The following ATCAY variants were observed in gnomAD, a reference collection of about 807,000 sequenced individuals.
ATCAY encodes ATCAY kinesin light chain interacting caytaxin.
In ATCAY, 22 loss-of-function variants were observed where a neutral mutation model predicts 47.7. The observed-to-expected ratio is 0.46, with a 90% CI of 0.33 to 0.66. The LOEUF is 0.66. ATCAY is among the 30% of genes least tolerant of loss of function. ATCAY has a pLI of 0.02. For missense variants in ATCAY, 452 were observed against 515.0 expected, an observed-to-expected ratio of 0.88 and a Z score of 1.18; for synonymous variants, 216 against 207.6, an observed-to-expected ratio of 1.04 and a Z score of -0.35.
chr19:3,885,244 C>T (rs963708779), intron 1 of ATCAY, among the ~76,000 whole-genome samples: 10 of 150,362 alleles, frequency 6.7e-5, no homozygotes, highest in African/African-American at 2.4e-4. Context: ...CACAGTGAAA[C>T]CCCGTCTCTA....
intron 8 of ATCAY, 74 bp downstream of exon 8, chr19:3,910,963 G>A: frequency 6.8e-7 from 1 of 1,481,170 alleles, no homozygotes; most frequent in Non-Finnish European, 9.4e-7. Context: ...GCATGCATTT[G>A]TGTGTGCATG....
At chr19:3,890,835 G>A (rs935663689) in intron 2 of ATCAY, among the ~76,000 whole-genome samples, 2 of 152,276 alleles carry the variant, frequency 1.3e-5, no homozygotes, top group East Asian at 3.9e-4. Context: ...CTTCCTCCAC[G>A]AGGCTTCTGT....
chr19:3,907,919 G>A lies in ATCAY; in HGVS notation c.544G>A (p.Gly182Arg). The change falls in exon 5 of 13, where the codon GGG (glycine) becomes AGG (arginine). Residue 182 changes from glycine (G) to arginine (R), a missense_variant and splice_region_variant. Coordinates refer to ENST00000450849, the MANE Select transcript of ATCAY (RefSeq NM_033064.5). This position sits in a 1 kb window ranked among gnomAD's most constrained non-coding sequence, Gnocchi z 5.1. The stretch of plus-strand genomic sequence containing the variant: ...TTACATGAAAGTGGTCACCCACGGA[G>A]GTGAGACCCGCCCCCCGGTGCCCCC... ...RPYMKVVTHG[G>R]YYGEGLNAII... is the part of the protein sequence containing the mutation. 1 of 1,612,788 alleles carries A rather than the reference G, an allele frequency of 6.2e-7. No individual in the cohort carries two copies. Among genetic ancestry groups the A allele is most frequent in the Non-Finnish European group, 8.5e-7 (1 of 1,179,408 alleles).
intron 3 of ATCAY, among the ~76,000 whole-genome samples, chr19:3,902,903 C>T (rs1250380739): frequency 2.4e-4 from 36 of 152,176 alleles, no homozygotes. Context: ...GCCAAGGGTG[C>T]ACTGGGAGGC....
chr19:3,881,699 TG>T (rs1359454859), intron 1 of ATCAY, among the ~76,000 whole-genome samples: 7 of 32,658 alleles, frequency 2.1e-4, no homozygotes, highest in Admixed American at 1.5e-3. Context: ...TGGCAGGGGG[TG>T]GGGGTCGGGG....
chr19:3,918,466 G>A (rs10410331), intron 10 of ATCAY, among the ~76,000 whole-genome samples: 25,779 of 150,918 alleles, frequency 0.17, 2,690 homozygotes, highest in African/African-American at 0.29. Context: ...GAATCGGGAC[G>A]ACTGCTTGAG....
At position 3,925,721 on chromosome 19, in the gene ATCAY, G is replaced by C. The variant is rs923214985; in HGVS notation, c.*1129G>C. The C allele has an allele frequency of 6.6e-6, 1 of 152,238 alleles. No homozygotes were observed. The highest frequency in any genetic ancestry group is 1.5e-5 in the Non-Finnish European group (1 of 68,080). The allele number at this position is 152,238 out of a possible 1,614,324, so 9.4% of individuals were successfully genotyped here. A position where few individuals can be genotyped will look rare whatever the true frequency, so the allele number is the denominator to read the frequency against. ...CTGTCTCTGGAAGTATTTAAGAAAA[G>C]GCTGGGCCAGGCACGATGGCTCACG... On this transcript the variant is annotated 3_prime_UTR_variant, in exon 13 of 13. Transcript: ENST00000450849. The surrounding 1 kb of genome is among the most constrained non-coding windows in gnomAD (Gnocchi z 4.4).
intron 2 of ATCAY, among the ~76,000 whole-genome samples, chr19:3,892,635 G>A (rs889419883): frequency 4.6e-5 from 7 of 152,092 alleles, no homozygotes; most frequent in Non-Finnish European, 1.0e-4. Context: ...GGCTGGGTGC[G>A]GTGACTCACA....
At chr19:3,901,067 A>AT (rs999431062) in intron 2 of ATCAY, among the ~76,000 whole-genome samples, 6 of 150,862 alleles carry the variant, frequency 4.0e-5, no homozygotes, top group Non-Finnish European at 7.4e-5. Flanking sequence ...ACGCCCCGCT[A>AT]TTTTTTTTGT....
Position 3,909,615 on chromosome 19 carries a change from G to T in ATCAY, c.777G>T (p.Arg259=). 1 of 1,586,394 alleles carries T rather than the reference G, an allele frequency of 6.3e-7. No homozygotes were observed. The highest frequency in any genetic ancestry group is 8.6e-7 in the Non-Finnish European group (1 of 1,166,398). ...AGAAGTGCTACCAGATGATCGACCGGAGGTGAGGTGGGGATGCCTCAGGAA... is the reference window on the plus strand; with the variant it reads ...AGAAGTGCTACCAGATGATCGACCGTAGGTGAGGTGGGGATGCCTCAGGAA... ...WLKKCYQMID[R]RLRKNLKSLI... Residue 259 remains arginine, a splice_region_variant and synonymous_variant, in exon 7 of 13, where the codon CGG becomes CGT. Transcript: ENST00000450849.
At chr19:3,893,171 CTTTTTTTTT>C (rs34910855) in intron 2 of ATCAY, among the ~76,000 whole-genome samples, 2 of 111,878 alleles carry the variant, frequency 1.8e-5, no homozygotes, top group African/African-American at 6.6e-5. Flanking sequence ...GGGACCCCCA[CTTTTTTTTT>C]TTTTTTTTTT....
chr19:3,918,506 G>T (rs1434848427), intron 10 of ATCAY, among the ~76,000 whole-genome samples: 1 of 150,426 alleles, frequency 6.6e-6, no homozygotes, highest in South Asian at 2.1e-4. Context: ...AGTGAGCCAT[G>T]ATTGTACCAT....
chr19:3,920,755 C>G lies in ATCAY; in HGVS notation c.1074-11C>G, dbSNP rs1463962276. On this transcript the variant is annotated splice_polypyrimidine_tract_variant and intron_variant, in intron 11 of 12. Coordinates refer to ENST00000450849, the MANE Select transcript of ATCAY (RefSeq NM_033064.5). The stretch of plus-strand genomic sequence containing the variant: ...AGCAAATAACGCCCAGTCTCCGTCT[C>G]TCCTCCACAGGTCTGCTCTGGTCTC... The G allele has an allele frequency of 1.2e-6, 2 of 1,609,084 alleles. No individual in the cohort carries two copies. The highest frequency in any genetic ancestry group is 1.7e-5 in the Admixed American group (1 of 59,918).
At chr19:3,914,167 C>T (rs2038946421) in intron 9 of ATCAY, among the ~76,000 whole-genome samples, 1 of 137,172 alleles carries the variant, frequency 7.3e-6, no homozygotes, top group South Asian at 2.4e-4. Context: ...ACCCCGGAGG[C>T]GGAGGTTGCA....
At chr19:3,917,508 C>CG (rs112717485) in intron 9 of ATCAY, among the ~76,000 whole-genome samples, 25,330 of 141,506 alleles carry the variant, frequency 0.18, 2,727 homozygotes, top group African/African-American at 0.32. Context: ...TCACTCAAAC[C>CG]GGGGAGGTGG....
Position 3,922,284 on chromosome 19 carries a change from TAAAGA to T in ATCAY, c.1106+1492_1106+1496del, listed in dbSNP as rs1832073232. On this transcript the variant is annotated intron_variant, in intron 12 of 12. Transcript: ENST00000450849. The stretch of plus-strand genomic sequence containing the variant: ...GAAATACCCAAGACCGGGTAAATTA[TAAAGA>T]AAAGAGGTTTAATTGACTCACAGTT... 5.9e-6 allele frequency: 4 copies of T among 682,844 alleles called. No individual in the cohort carries two copies. In the East Asian group the frequency reaches 1.1e-4, roughly 19 times the overall value. 42.3% of individuals were successfully genotyped at this position (682,844 alleles called of 1,614,324 possible). A position where few individuals can be genotyped will look rare whatever the true frequency, so the allele number is the denominator to read the frequency against.
intron 6 of ATCAY, among the ~76,000 whole-genome samples, chr19:3,909,010 A>C (rs2038897497): frequency 2.0e-5 from 2 of 97,920 alleles, no homozygotes; most frequent in African/African-American, 4.0e-5. Flanking sequence ...TCTCAAAAAA[A>C]AAAAAAAAAA....
chr19:3,896,742 G>T (rs894315283), intron 2 of ATCAY, among the ~76,000 whole-genome samples: 1 of 152,148 alleles, frequency 6.6e-6, no homozygotes, highest in Admixed American at 6.6e-5. Context: ...GGGAGGAGAT[G>T]GTGGCTGGAC....
At chr19:3,908,003 G>C in intron 5 of ATCAY, 84 bp downstream of exon 5, 1 of 1,486,100 alleles carries the variant, frequency 6.7e-7, no homozygotes, top group Non-Finnish European at 9.2e-7. Context: ...CCTCTCTGAT[G>C]CACGGGGATG....
Sources: allele counts gnomAD v4.1 joint callset (sites outside exome capture counted in the v4.1 genomes callset), GRCh38; gene constraint gnomAD v4.1.1; non-coding constraint Gnocchi (gnomAD v3.1); transcripts MANE v1.5; gene names NCBI Gene and HGNC (gene_info 2026-07-23, HGNC 2026-07-21).